The following KITLG variants were observed in gnomAD, a reference collection of about 807,000 sequenced individuals.
The protein encoded by KITLG is c-Kit ligand.
A neutral mutation model predicts 34.1 loss-of-function variants in KITLG; 13 were observed. That is an observed-to-expected ratio of 0.38 (90% CI 0.25 to 0.61). The LOEUF is 0.61. Ranked by LOEUF, KITLG falls within the 20% of genes least tolerant of loss-of-function variation. The pLI is 0.60. For missense variants in KITLG, 292 were observed against 318.9 expected (o/e 0.92, Z 0.64); for synonymous variants, 110 against 104.0 (o/e 1.06, Z -0.35).
chr12:88,539,023 C>T (rs986327163), intron 2 of KITLG, among the ~76,000 whole-genome samples: 1 of 152,134 alleles, frequency 6.6e-6, no homozygotes. Flanking sequence ...GGAGACTTGG[C>T]CAACAAGAAG....
intron 5 of KITLG, 60 bp from the exon 6 acceptor site, chr12:88,515,677 C>T (rs2120833257): frequency 7.8e-7 from 1 of 1,275,594 alleles, no homozygotes; most frequent in Admixed American, 1.7e-5. Context: ...TTATAGAGTC[C>T]CTGAAAGGTG....
At chr12:88,529,835 T>C (rs146465526) in intron 3 of KITLG, among the ~76,000 whole-genome samples, 74 of 152,348 alleles carry the variant, frequency 4.9e-4, no homozygotes, top group African/African-American at 1.8e-3. Context: ...TTCTGTCCAA[T>C]GCTCTAAACG....
At chr12:88,525,669 C>T (rs987523233) in intron 3 of KITLG, among the ~76,000 whole-genome samples, 1 of 152,074 alleles carries the variant, frequency 6.6e-6, no homozygotes, top group African/African-American at 2.4e-5. Context: ...ATATTAAGCT[C>T]TATGTAAGCA....
intron 2 of KITLG, among the ~76,000 whole-genome samples, chr12:88,540,099 C>G (rs183927878): frequency 6.6e-6 from 1 of 151,990 alleles, no homozygotes; most frequent in Admixed American, 6.6e-5. Context: ...TGATGACACA[C>G]CTTATGATGA....
chr12:88,496,687 C>A lies in KITLG; in HGVS notation c.*532G>T, dbSNP rs1228511800. 2 of 152,532 alleles carry A rather than the reference C, an allele frequency of 1.3e-5. No individual in the cohort carries two copies. Among genetic ancestry groups the A allele is most frequent in the African/African-American group, 4.8e-5 (2 of 41,414 alleles). The allele number at this position is 152,532 out of a possible 1,614,324, so 9.4% of individuals were successfully genotyped here. ...CATGTTGCCAAATCCAATCACAGTT[C>A]CCACTGCTTTCTACACTGTACAGTG... is the stretch of plus-strand genomic sequence containing the variant. On this transcript the variant is annotated 3_prime_UTR_variant, in exon 10 of 10. Coordinates refer to ENST00000644744, the MANE Select transcript of KITLG (RefSeq NM_000899.5).
chr12:88,551,353 A>G (rs1301349239), intron 1 of KITLG, among the ~76,000 whole-genome samples: 1 of 152,182 alleles, frequency 6.6e-6, no homozygotes, highest in African/African-American at 2.4e-5. Flanking sequence ...TTATATAAAA[A>G]AGAAACTTTT....
chr12:88,562,687 G>A (rs1871334290), intron 1 of KITLG, among the ~76,000 whole-genome samples: 1 of 152,110 alleles, frequency 6.6e-6, no homozygotes, highest in Non-Finnish European at 1.5e-5. Context: ...CATTTTCTTT[G>A]TACCTTTAAT....
At chr12:88,564,321 C>G (rs1871378447) in intron 1 of KITLG, 1 of 152,064 alleles carries the variant, frequency 6.6e-6, no homozygotes, top group Non-Finnish European at 1.5e-5. Context: ...ATCCTTTGAG[C>G]TTCTTTTCAA....
intron 3 of KITLG, among the ~76,000 whole-genome samples, chr12:88,524,662 AG>A (rs1375706774): frequency 6.6e-6 from 1 of 152,076 alleles, no homozygotes; most frequent in Non-Finnish European, 1.5e-5. Context: ...TTTCTATCAG[AG>A]AATAATGGCC....
chr12:88,528,660 G>C (rs1869967822), intron 3 of KITLG, among the ~76,000 whole-genome samples: 1 of 152,116 alleles, frequency 6.6e-6, no homozygotes. Context: ...AGAGTAAATG[G>C]CCATGTATGC....
At chr12:88,533,257 A>C (rs1356583247) in intron 2 of KITLG, among the ~76,000 whole-genome samples, 1 of 152,228 alleles carries the variant, frequency 6.6e-6, no homozygotes, top group African/African-American at 2.4e-5. Flanking sequence ...TAAGTGAATA[A>C]GCAATAGGTT....
chr12:88,536,672 A>G (rs530868839), intron 2 of KITLG, among the ~76,000 whole-genome samples: 34 of 152,352 alleles, frequency 2.2e-4, no homozygotes, highest in African/African-American at 7.9e-4. Context: ...GGATGAGTTC[A>G]TGTCCTTTGC....
chr12:88,497,092 A>G lies in KITLG; in HGVS notation c.*127T>C, dbSNP rs191112944. The stretch of plus-strand genomic sequence containing the variant: ...CCATATAAAGTCATGGGTAGCAAGA[A>G]CAGATAAAGATGTGGTCTGTCACTC... On this transcript the variant is annotated 3_prime_UTR_variant, in exon 10 of 10. Coordinates refer to ENST00000644744, the MANE Select transcript of KITLG (RefSeq NM_000899.5). The G allele has an allele frequency of 2.1e-5, 9 of 426,366 alleles. No individual in the cohort carries two copies. The East Asian group carries it at 6.6e-4, about 31-fold the overall frequency. 26.4% of individuals were successfully genotyped at this position (426,366 alleles called of 1,614,324 possible). A position where few individuals can be genotyped will look rare whatever the true frequency, so the allele number is the denominator to read the frequency against.
chr12:88,540,576 G>A (rs1466436545), intron 2 of KITLG, among the ~76,000 whole-genome samples: 1 of 152,066 alleles, frequency 6.6e-6, no homozygotes, highest in South Asian at 2.1e-4. Flanking sequence ...GAGGTGGGAG[G>A]ATCTCTTGGG....
At chr12:88,517,808 T>A (rs1869509146) in intron 4 of KITLG, among the ~76,000 whole-genome samples, 1 of 152,094 alleles carries the variant, frequency 6.6e-6, no homozygotes, top group African/African-American at 2.4e-5. Flanking sequence ...GGGATTGAAG[T>A]TGGGTCTTAC....
At chr12:88,510,457 T>G (rs1566019687) in intron 6 of KITLG, among the ~76,000 whole-genome samples, 1 of 152,164 alleles carries the variant, frequency 6.6e-6, no homozygotes, top group Non-Finnish European at 1.5e-5. Context: ...TATTATGATC[T>G]TCCATTTGAC....
chr12:88,545,523 G>C (rs1490097078), intron 2 of KITLG, among the ~76,000 whole-genome samples: 1 of 152,184 alleles, frequency 6.6e-6, no homozygotes, highest in Admixed American at 6.5e-5. Context: ...CAAAGAAGCA[G>C]TCACAGCAGT....
Position 88,545,861 on chromosome 12 carries a change from C to G in KITLG, c.20G>C (p.Trp7Ser). Residue 7 changes from tryptophan (W) to serine (S), a missense_variant, in exon 2 of 10, where the codon TGG becomes TCG. Trp to Ser is a radical substitution (Grantham distance 177). Coordinates refer to ENST00000644744, the MANE Select transcript of KITLG (RefSeq NM_000899.5). MKKTQTWILTCIYLQLL... is the reference protein window; with the variant it reads MKKTQTSILTCIYLQLL... ...CTGAAGATAAATGCAAGTGAGAATCCAAGTCTAAATGAAAACAGAAAAATT... is the reference window on the plus strand; with the variant it reads ...CTGAAGATAAATGCAAGTGAGAATCGAAGTCTAAATGAAAACAGAAAAATT... 6.3e-7 allele frequency: 1 copy of G among 1,598,340 alleles called. No homozygotes were observed. Among genetic ancestry groups the G allele is most frequent in the South Asian group, 1.1e-5 (1 of 90,688 alleles).
At position 88,580,294 on chromosome 12, in the gene KITLG, T is replaced by C. The variant is rs768599104; in HGVS notation, c.-16A>G. 2 of 1,611,206 alleles carry C rather than the reference T, an allele frequency of 1.2e-6. No homozygotes were observed. Among genetic ancestry groups the C allele is most frequent in the Non-Finnish European group, 1.7e-6 (2 of 1,178,728 alleles). ...TCTTCTTCATAAGGAAAGGCAGCGCTGCGATCCAGCACAAACAGTGGTGTG... is the reference window on the plus strand; with the variant it reads ...TCTTCTTCATAAGGAAAGGCAGCGCCGCGATCCAGCACAAACAGTGGTGTG... On this transcript the variant is annotated 5_prime_UTR_variant, in exon 1 of 10. Transcript: ENST00000644744.
Sources: allele counts gnomAD v4.1 joint callset (sites outside exome capture counted in the v4.1 genomes callset), GRCh38; gene constraint gnomAD v4.1.1; transcripts MANE v1.5; gene names NCBI Gene and HGNC (gene_info 2026-07-23, HGNC 2026-07-21).